Variants in OTUD4 observed in about 807,000 individuals in gnomAD.
The protein encoded by OTUD4 is OTU deubiquitinase 4.
In OTUD4, 24 loss-of-function variants were observed where a neutral mutation model predicts 130.4. The observed-to-expected ratio is 0.18, with a 90% CI of 0.13 to 0.26. The LOEUF (loss-of-function observed/expected upper bound fraction) is 0.26. OTUD4 is among the 10% of genes least tolerant of loss of function. The pLI is 1.00. For missense variants in OTUD4, 1,031 were observed against 1,329.4 expected (o/e 0.78, Z 3.49); for synonymous variants, 420 against 472.5 (o/e 0.89, Z 1.44).
chr4:145,146,772 C>A (rs1750849015), intron 13 of OTUD4, among the ~76,000 whole-genome samples: 1 of 152,008 alleles, frequency 6.6e-6, no homozygotes, highest in Admixed American at 6.5e-5. Flanking sequence ...ACTTGTTATA[C>A]CATATTCCAA....
intron 3 of OTUD4, 43 bp from the exon 4 acceptor site, chr4:145,165,240 T>G (rs760028540): frequency 7.6e-7 from 1 of 1,319,184 alleles, no homozygotes; most frequent in African/African-American, 1.5e-5. Context: ...GTCTCACACT[T>G]TTTAGATTCC....
intron 7 of OTUD4, among the ~76,000 whole-genome samples, chr4:145,157,558 C>T (rs551482055): frequency 5.3e-5 from 8 of 152,058 alleles, no homozygotes; most frequent in South Asian, 4.2e-4. Flanking sequence ...GTGGCACATG[C>T]CTGTAATCCT....
chr4:145,179,857 G>A lies in OTUD4; in HGVS notation c.117C>T (p.Val39=). The A allele has an allele frequency of 6.5e-7, 1 of 1,527,320 alleles. No individual in the cohort carries two copies. Among genetic ancestry groups the A allele is most frequent in the Non-Finnish European group, 8.7e-7 (1 of 1,143,852 alleles). The allele number at this position is 1,527,320 out of a possible 1,614,324, so 94.6% of individuals were successfully genotyped here. The change falls in exon 1 of 21, where the codon GTC becomes GTT. Residue 39 remains valine (V), a synonymous_variant. Transcript: ENST00000447906. ...LRKLGLYRKL[V]AKDGSCLFRA... ...GGAACAGGCACGACCCGTCCTTGGC[G>A]ACCAGTTTCCGATACAAGCCCAGTT...
chr4:145,142,353 T>TG lies in OTUD4; in HGVS notation c.1684-20dup. Reference sequence around the variant, plus strand: ...CTGGCTTCTTCAAGAAAGGGGTGAGTGGGGGAAGACAGAAAAAGACAAGAG... The same window carrying TG: ...CTGGCTTCTTCAAGAAAGGGGTGAGTGGGGGGAAGACAGAAAAAGACAAGAG... On this transcript the variant is annotated intron_variant, in intron 17 of 20. Transcript: ENST00000447906. 1 of 1,610,956 alleles carries TG rather than the reference T, an allele frequency of 6.2e-7. No homozygotes were observed. Among genetic ancestry groups the TG allele is most frequent in the Non-Finnish European group, 8.5e-7 (1 of 1,178,676 alleles).
chr4:145,140,903 C>G (rs1424841193), intron 19 of OTUD4, among the ~76,000 whole-genome samples: 1 of 152,058 alleles, frequency 6.6e-6, no homozygotes, highest in Non-Finnish European at 1.5e-5. Context: ...CGGTGGCTCA[C>G]ACCTGTAAAC....
Position 145,133,713 on chromosome 4 carries a change from G to A in OTUD4, c.*3717C>T, listed in dbSNP as rs1579231895. ...TATAATGCAGCATCACACCATGTAG[G>A]GCATTTACTCTTATTTTATACATTC... is the stretch of plus-strand genomic sequence containing the variant. On this transcript the variant is annotated 3_prime_UTR_variant, in exon 21 of 21. Transcript: ENST00000447906. 6.6e-6 allele frequency: 1 copy of A among 152,328 alleles called. No homozygotes were observed. Among genetic ancestry groups the A allele is most frequent in the Non-Finnish European group, 1.5e-5 (1 of 67,978 alleles). 9.4% of individuals were successfully genotyped at this position (152,328 alleles called of 1,614,324 possible). A position where few individuals can be genotyped will look rare whatever the true frequency, so the allele number is the denominator to read the frequency against.
chr4:145,147,050 G>A (rs1423907934), intron 13 of OTUD4, among the ~76,000 whole-genome samples: 1 of 152,162 alleles, frequency 6.6e-6, no homozygotes, highest in Non-Finnish European at 1.5e-5. Flanking sequence ...AGAAATTAAT[G>A]AATAGAGTTT....
intron 10 of OTUD4, among the ~76,000 whole-genome samples, chr4:145,153,491 C>A (rs1751155353): frequency 6.6e-6 from 1 of 152,208 alleles, no homozygotes; most frequent in Non-Finnish European, 1.5e-5. Flanking sequence ...AACTTGCACA[C>A]AGCAACCACT....
chr4:145,154,989 T>G (rs1005082663), intron 10 of OTUD4, among the ~76,000 whole-genome samples: 1 of 152,254 alleles, frequency 6.6e-6, no homozygotes, highest in African/African-American at 2.4e-5. Flanking sequence ...TGGCTCACTT[T>G]CTTTCCTCAG....
intron 7 of OTUD4, among the ~76,000 whole-genome samples, chr4:145,157,656 C>T (rs938563465): frequency 6.2e-5 from 9 of 145,180 alleles, no homozygotes; most frequent in Non-Finnish European, 1.2e-4. Context: ...TGCACTCCAG[C>T]CTGGGCAACA....
chr4:145,159,719 T>A (rs910428058), intron 6 of OTUD4, 84 bp from the exon 7 acceptor site: 4 of 1,282,720 alleles, frequency 3.1e-6, no homozygotes, highest in African/African-American at 3.0e-5. Context: ...ATTGTAACTT[T>A]CTATTGCTCA....
chr4:145,174,117 G>A (rs138708224), intron 2 of OTUD4, among the ~76,000 whole-genome samples: 15 of 150,788 alleles, frequency 9.9e-5, no homozygotes, highest in African/African-American at 3.7e-4. Flanking sequence ...AGCAATCCTC[G>A]TGCCTCAGAC....
At position 145,156,071 on chromosome 4, in the gene OTUD4, G is replaced by A. The variant is rs1579264416; in HGVS notation, c.630-75C>T. 8 of 1,150,046 alleles carry A rather than the reference G, an allele frequency of 7.0e-6. No homozygotes were observed. The East Asian group carries it at 9.5e-5, about 14-fold the overall frequency. 71.2% of individuals were successfully genotyped at this position (1,150,046 alleles called of 1,614,324 possible). Reference sequence around the variant, plus strand: ...AATTACCTTCTAACCTCATCTAAACGTCTTCAAAGTCAGAACTATGCTCCA... The same window carrying A: ...AATTACCTTCTAACCTCATCTAAACATCTTCAAAGTCAGAACTATGCTCCA... On this transcript the variant is annotated intron_variant, in intron 7 of 20. Transcript: ENST00000447906.
In OTUD4 at chr4:145,150,879, G is replaced by A. The variant is rs1282132850; in HGVS notation, c.995C>T (p.Pro332Leu). ...KKHTSKNLKA[P>L]PPESWNTVSG... ...CACTGTGTTCCAGCTTTCTGGGGGA[G>A]GTGCCTTGAGGTTCTTTGATGTGTG... Residue 332 changes from proline to leucine, a missense_variant, in exon 12 of 21, where the codon CCT becomes CTT. Transcript: ENST00000447906. The A allele has an allele frequency of 6.2e-7, 1 of 1,613,442 alleles. No homozygotes were observed. The highest frequency in any genetic ancestry group is 1.7e-5 in the Admixed American group (1 of 59,918).
Position 145,144,330 on chromosome 4 carries a change from T to C in OTUD4, c.1527A>G (p.Thr509=). Residue 509 remains threonine, a synonymous_variant, in exon 15 of 21, where the codon ACA becomes ACG. Coordinates refer to ENST00000447906, the MANE Select transcript of OTUD4 (RefSeq NM_001366057.1). ...ACTTACCTTTGTCTTTTCGTTCTTC[T>C]GTATCCATTCTCCGCCTGCTTCCTT... ...DRKGSRRRMD[T]EERKDKDSIH... The C allele has an allele frequency of 6.2e-7, 1 of 1,612,340 alleles. No homozygotes were observed. The highest frequency in any genetic ancestry group is 8.5e-7 in the Non-Finnish European group (1 of 1,179,272).
chr4:145,176,127 C>G (rs1752410319), intron 1 of OTUD4, among the ~76,000 whole-genome samples: 1 of 151,194 alleles, frequency 6.6e-6, no homozygotes, highest in African/African-American at 2.4e-5. Flanking sequence ...AACTCCTGAC[C>G]TCAGGTGATC....
chr4:145,167,816 C>T (rs916297656), intron 3 of OTUD4, among the ~76,000 whole-genome samples: 2 of 152,104 alleles, frequency 1.3e-5, no homozygotes, highest in East Asian at 1.9e-4. Context: ...TGAGATTACA[C>T]CATTGCACTC....
At chr4:145,144,535 T>C (rs1334410232) in intron 14 of OTUD4, 101 bp from the exon 15 acceptor site, 1 of 1,148,046 alleles carries the variant, frequency 8.7e-7, no homozygotes, top group South Asian at 1.3e-5. Flanking sequence ...TCTAAAATCT[T>C]AAAATTCACA....
chr4:145,180,078 G>C lies in OTUD4; in HGVS notation c.-105C>G. 1.1e-6 allele frequency: 1 copy of C among 933,810 alleles called. No homozygotes were observed. The allele number at this position is 933,810 out of a possible 1,614,324, so 57.8% of individuals were successfully genotyped here. On this transcript the variant is annotated 5_prime_UTR_variant, in exon 1 of 21. Transcript: ENST00000447906. Reference sequence around the variant, plus strand: ...CTGGGGCAGGCGGCGGCTCGGGCTGGGGCTCGGGCTCCGCGAGCGGCGGCA... The same window carrying C: ...CTGGGGCAGGCGGCGGCTCGGGCTGCGGCTCGGGCTCCGCGAGCGGCGGCA...
Sources: allele counts gnomAD v4.1 joint callset (sites outside exome capture counted in the v4.1 genomes callset), GRCh38; gene constraint gnomAD v4.1.1; transcripts MANE v1.5; gene names NCBI Gene and HGNC (gene_info 2026-07-23, HGNC 2026-07-21).